The following TTC28 variants were observed in gnomAD, a reference collection of about 807,000 sequenced individuals.
TTC28 encodes tetratricopeptide repeat domain 28, also known as tetratricopeptide repeat protein 28.
Under a neutral mutation model 198.0 loss-of-function variants are expected in TTC28, and 61 were observed. The ratio of observed to expected loss-of-function variants is 0.31; its 90% CI spans 0.25 to 0.38. The LOEUF is 0.38. Ranked by LOEUF, TTC28 falls within the 10% of genes least tolerant of loss-of-function variation. The probability of loss-of-function intolerance (pLI) is 1.00; values close to 1 mark genes in which losing one functional copy is unlikely to be tolerated. For synonymous variants in TTC28, 1,171 were observed against 1,297.8 expected (o/e 0.90, Z 2.10); for missense variants, 2,678 against 3,164.0 (o/e 0.85, Z 3.69).
At chr22:28,394,214 G>C (rs569172988) in intron 2 of TTC28, among the ~76,000 whole-genome samples, 3 of 152,128 alleles carry the variant, frequency 2.0e-5, no homozygotes, top group Non-Finnish European at 4.4e-5. Flanking sequence ...ATTTTGAGTG[G>C]TCTGCACCCA....
intron 14 of TTC28, among the ~76,000 whole-genome samples, chr22:28,009,612 C>T (rs1444661147): frequency 6.6e-6 from 1 of 152,160 alleles, no homozygotes; most frequent in Non-Finnish European, 1.5e-5. Flanking sequence ...GGTGCCAAAC[C>T]CTCCCGAGAT....
chr22:28,022,889 T>C (rs888289495), intron 13 of TTC28, among the ~76,000 whole-genome samples: 6 of 152,238 alleles, frequency 3.9e-5, no homozygotes, highest in African/African-American at 1.2e-4. Context: ...CAAAAGGTTG[T>C]CTCCTCTGGG....
At chr22:28,482,865 T>C (rs146250351) in intron 2 of TTC28, among the ~76,000 whole-genome samples, 2 of 152,346 alleles carry the variant, frequency 1.3e-5, no homozygotes, top group Non-Finnish European at 1.5e-5. Flanking sequence ...CTTAGCAAGA[T>C]GTTTTTGAGG....
intron 1 of TTC28, among the ~76,000 whole-genome samples, chr22:28,660,356 C>T (rs1424144068): frequency 6.6e-6 from 1 of 152,172 alleles, no homozygotes; most frequent in African/African-American, 2.4e-5. Context: ...GACGGAGTCT[C>T]GCTCTGTTGC....
chr22:28,340,519 A>C (rs1226319456), intron 2 of TTC28, among the ~76,000 whole-genome samples: 1 of 152,058 alleles, frequency 6.6e-6, no homozygotes, highest in Non-Finnish European at 1.5e-5. Context: ...TTGGATAAGT[A>C]ATCTGTCACC....
chr22:28,669,291 T>A (rs2051838898), intron 1 of TTC28, among the ~76,000 whole-genome samples: 1 of 141,756 alleles, frequency 7.1e-6, no homozygotes. Context: ...ACCCTAAAAC[T>A]TAGAGTATAA....
chr22:28,620,984 A>G (rs532587777), intron 2 of TTC28, among the ~76,000 whole-genome samples: 18 of 152,328 alleles, frequency 1.2e-4, no homozygotes, highest in African/African-American at 3.1e-4. Context: ...TCTTAAAAAC[A>G]TATTTAAAGA....
chr22:28,157,867 G>A (rs1264498453), intron 6 of TTC28, among the ~76,000 whole-genome samples: 1 of 152,158 alleles, frequency 6.6e-6, no homozygotes, highest in Non-Finnish European at 1.5e-5. Context: ...CGACAAGGAT[G>A]CCCACTTTTA....
chr22:28,069,631 C>T (rs972005919), intron 12 of TTC28, among the ~76,000 whole-genome samples: 4 of 152,122 alleles, frequency 2.6e-5, no homozygotes, highest in African/African-American at 9.7e-5. Context: ...ACCAAAATGA[C>T]AAGTATTATA....
intron 2 of TTC28, among the ~76,000 whole-genome samples, chr22:28,495,570 A>C (rs2048443327): frequency 6.6e-6 from 1 of 152,184 alleles, no homozygotes; most frequent in African/African-American, 2.4e-5. Flanking sequence ...AAAACTGCTA[A>C]AGAATATGTA....
At position 28,029,272 on chromosome 22, in the gene TTC28, G is replaced by A. The variant is rs575541943; in HGVS notation, c.4073+954C>T. On this transcript the variant is annotated intron_variant, in intron 13 of 22. Transcript: ENST00000397906. ...TCCCTTCCCACTCAACTCAGCCCTG[G>A]GAAAGTCAACACACATTTGTCACCC... is the stretch of plus-strand genomic sequence containing the variant. 6.4e-4 allele frequency among the ~76,000 whole-genome samples: 97 copies of A among 152,286 alleles called. 1 individual carries two copies. Among genetic ancestry groups the A allele is most frequent in the Admixed American group, 5.1e-3 (78 of 15,300 alleles).
chr22:27,994,993 G>A (rs533656465), intron 17 of TTC28, among the ~76,000 whole-genome samples: 1 of 152,294 alleles, frequency 6.6e-6, no homozygotes, highest in Admixed American at 6.5e-5. Flanking sequence ...CACGCTGGGG[G>A]CTTGCTGGTC....
intron 15 of TTC28, chr22:28,000,217 A>C (rs916627032): frequency 2.6e-5 from 4 of 152,212 alleles, no homozygotes; most frequent in African/African-American, 9.6e-5. Context: ...CTTTGAACTG[A>C]TTCTTTGCTT....
intron 2 of TTC28, among the ~76,000 whole-genome samples, chr22:28,336,476 T>C (rs2045721164): frequency 6.6e-6 from 1 of 152,230 alleles, no homozygotes; most frequent in South Asian, 2.1e-4. Flanking sequence ...CCTGGACTTT[T>C]TTTGGTTGGT....
intron 5 of TTC28, among the ~76,000 whole-genome samples, chr22:28,237,973 T>C (rs1433491630): frequency 6.6e-6 from 1 of 152,182 alleles, no homozygotes; most frequent in African/African-American, 2.4e-5. Context: ...TCAGTACTCA[T>C]TCTTATCTTT....
chr22:28,411,611 G>T (rs2047082233), intron 2 of TTC28, among the ~76,000 whole-genome samples: 1 of 152,148 alleles, frequency 6.6e-6, no homozygotes, highest in Admixed American at 6.5e-5. Flanking sequence ...AATAATGCCT[G>T]CAGGAAAGTA....
chr22:28,671,263 GTT>G (rs1407897431), intron 1 of TTC28, among the ~76,000 whole-genome samples: 2 of 151,970 alleles, frequency 1.3e-5, no homozygotes, highest in African/African-American at 4.8e-5. Flanking sequence ...TTTAAATTCG[GTT>G]GTCCTTTTAT....
intron 2 of TTC28, among the ~76,000 whole-genome samples, chr22:28,370,771 T>G (rs1390120730): frequency 6.6e-6 from 1 of 152,072 alleles, no homozygotes; most frequent in African/African-American, 2.4e-5. Context: ...GAGAGAACTA[T>G]AGAGAGAGAA....
At chr22:28,019,729 T>G (rs1037867929) in intron 13 of TTC28, among the ~76,000 whole-genome samples, 1 of 152,230 alleles carries the variant, frequency 6.6e-6, no homozygotes, top group Non-Finnish European at 1.5e-5. Flanking sequence ...ATTGCTCTGA[T>G]CTCCACAGGC....
Sources: allele counts gnomAD v4.1 joint callset (sites outside exome capture counted in the v4.1 genomes callset), GRCh38; gene constraint gnomAD v4.1.1; transcripts MANE v1.5; gene names NCBI Gene and HGNC (gene_info 2026-07-23, HGNC 2026-07-21).